The following TNKS variants were observed in gnomAD, a reference collection of about 807,000 sequenced individuals.
TNKS encodes the protein poly [ADP-ribose] polymerase tankyrase-1.
Under a neutral mutation model 135.8 loss-of-function variants are expected in TNKS, and 72 were observed. The ratio of observed to expected loss-of-function variants is 0.53; its 90% CI spans 0.44 to 0.64. The LOEUF is 0.64. Ranked by LOEUF, TNKS falls within the 30% of genes least tolerant of loss-of-function variation. The probability of loss-of-function intolerance (pLI) is 0.00; values close to 1 mark genes in which losing one functional copy is unlikely to be tolerated. For synonymous variants in TNKS, 849 were observed against 649.3 expected, an observed-to-expected ratio of 1.31 and a Z score of -4.68; for missense variants, 1,769 against 1,674.0, an observed-to-expected ratio of 1.06 and a Z score of -0.99.
In TNKS at chr8:9,586,142, T is replaced by C. The variant is rs375187379; in HGVS notation, c.898+5759T>C. Among the ~76,000 whole-genome samples, 73 of 152,322 alleles carry C rather than the reference T, an allele frequency of 4.8e-4. 2 individuals carry two copies. In the South Asian group the frequency reaches 0.01, roughly 22 times the overall value. Reference sequence around the variant, plus strand: ...CGTGAAATAACATGATTAGAAATAGTTTTCTTCTTGTATTACATTATATTG... The same window carrying C: ...CGTGAAATAACATGATTAGAAATAGCTTTCTTCTTGTATTACATTATATTG... On this transcript the variant is annotated intron_variant, in intron 2 of 26. Transcript: ENST00000310430.
At chr8:9,607,183 T>A (rs1799258809) in intron 2 of TNKS, among the ~76,000 whole-genome samples, 1 of 152,234 alleles carries the variant, frequency 6.6e-6, no homozygotes, top group Admixed American at 6.5e-5. Context: ...CATGTTAGCA[T>A]GAGTAACATT....
intron 2 of TNKS, among the ~76,000 whole-genome samples, chr8:9,599,827 T>A (rs4493905): frequency 0.28 from 42,882 of 151,830 alleles, 6,324 homozygotes; most frequent in East Asian, 0.37. Flanking sequence ...TATTTATAAG[T>A]AAACTTGACA....
At chr8:9,745,840 T>A (rs1392182553) in intron 17 of TNKS, among the ~76,000 whole-genome samples, 1 of 152,226 alleles carries the variant, frequency 6.6e-6, no homozygotes, top group Non-Finnish European at 1.5e-5. Flanking sequence ...CTACTATTTC[T>A]AAAATTAGGA....
intron 2 of TNKS, among the ~76,000 whole-genome samples, chr8:9,610,710 A>G (rs1467951990): frequency 2.7e-4 from 41 of 152,232 alleles, no homozygotes; most frequent in Non-Finnish European, 1.5e-5. Context: ...ATAATTTTAA[A>G]GTAAAAACTT....
At chr8:9,727,672 A>G (rs1805231202) in intron 13 of TNKS, among the ~76,000 whole-genome samples, 1 of 152,184 alleles carries the variant, frequency 6.6e-6, no homozygotes, top group Non-Finnish European at 1.5e-5. Context: ...ACCTCTTCTT[A>G]AGCAAACTTT....
intron 17 of TNKS, among the ~76,000 whole-genome samples, chr8:9,740,015 C>G (rs139938538): frequency 0.024 from 2,578 of 105,378 alleles, 84 homozygotes; most frequent in African/African-American, 0.08. Context: ...TGTAACTAAC[C>G]TGCACAATGT....
At chr8:9,706,764 T>A (rs776495427) in intron 7 of TNKS, 47 bp from the exon 8 acceptor site, 10 of 1,524,424 alleles carry the variant, frequency 6.6e-6, no homozygotes, top group Non-Finnish European at 8.8e-6. Flanking sequence ...TTTTATTTGA[T>A]CCAGCAAAAT....
chr8:9,576,685 C>G, intron 1 of TNKS, among the ~76,000 whole-genome samples: 1 of 152,054 alleles, frequency 6.6e-6, no homozygotes, highest in East Asian at 1.9e-4. Flanking sequence ...CACCAGGCCC[C>G]TCCTTCAACA....
At chr8:9,745,554 G>A (rs1175194641) in intron 17 of TNKS, among the ~76,000 whole-genome samples, 3 of 152,036 alleles carry the variant, frequency 2.0e-5, no homozygotes, top group East Asian at 1.9e-4. Flanking sequence ...ACAGGTGTGT[G>A]GCGCCACACC....
intron 2 of TNKS, among the ~76,000 whole-genome samples, chr8:9,612,501 C>G (rs539716829): frequency 6.6e-6 from 1 of 152,140 alleles, no homozygotes; most frequent in South Asian, 2.1e-4. Flanking sequence ...CCAAACCCAG[C>G]CTATCTCTTG....
At chr8:9,772,263 G>T (rs939793354) in intron 26 of TNKS, 1 of 406,442 alleles carries the variant, frequency 2.5e-6, no homozygotes, top group Non-Finnish European at 4.9e-6. Flanking sequence ...AAAGGGGGCT[G>T]GGGGGAGGAG....
At chr8:9,582,273 C>G (rs1188523071) in intron 2 of TNKS, among the ~76,000 whole-genome samples, 1 of 150,962 alleles carries the variant, frequency 6.6e-6, no homozygotes, top group Non-Finnish European at 1.5e-5. Flanking sequence ...AGGCAGAGTT[C>G]TGCTTTGGGA....
At chr8:9,769,087 A>AG in intron 25 of TNKS, among the ~76,000 whole-genome samples, 1 of 152,210 alleles carries the variant, frequency 6.6e-6, no homozygotes, top group Non-Finnish European at 1.5e-5. Flanking sequence ...ATTTTCTTTA[A>AG]GGGATATATA....
chr8:9,629,325 A>G (rs1467527384), intron 3 of TNKS, among the ~76,000 whole-genome samples: 1 of 152,256 alleles, frequency 6.6e-6, no homozygotes, highest in African/African-American at 2.4e-5. Context: ...CTAATAGCTG[A>G]TAGCCCTCTG....
chr8:9,581,418 C>T (rs6601338), intron 2 of TNKS, among the ~76,000 whole-genome samples: 61,763 of 151,976 alleles, frequency 0.41, 12,934 homozygotes, highest in East Asian at 0.6. Context: ...CCAGTTTCAA[C>T]TGACTCTCCC....
intron 3 of TNKS, among the ~76,000 whole-genome samples, chr8:9,624,761 G>C (rs1205982977): frequency 1.3e-5 from 2 of 152,022 alleles, no homozygotes; most frequent in African/African-American, 4.8e-5. Context: ...TGTCCTCAGG[G>C]GTACTGGTTC....
rs1808460869 is a variant in TNKS at position 9,781,653 on chromosome 8, T to C, written c.*4917T>C. ...CTTTGATACCTACAAACTAAAAAGG[T>C]ACTTTTATCAAGGTTTCTCAAAACA... On this transcript the variant is annotated 3_prime_UTR_variant, in exon 27 of 27. Transcript: ENST00000310430. 6.6e-6 allele frequency: 1 copy of C among 152,648 alleles called. No individual in the cohort carries two copies. The highest frequency in any genetic ancestry group is 1.5e-5 in the Non-Finnish European group (1 of 68,042). The allele number at this position is 152,648 out of a possible 1,614,324, so 9.5% of individuals were successfully genotyped here. A position where few individuals can be genotyped will look rare whatever the true frequency, so the allele number is the denominator to read the frequency against.
In TNKS at chr8:9,761,406, A is replaced by C. The variant is rs1807141148; in HGVS notation, c.3154-110A>C. 3 of 1,183,650 alleles carry C rather than the reference A, an allele frequency of 2.5e-6. No homozygotes were observed. The East Asian group carries it at 7.5e-5, about 30-fold the overall frequency. The allele number at this position is 1,183,650 out of a possible 1,614,324, so 73.3% of individuals were successfully genotyped here. A position where few individuals can be genotyped will look rare whatever the true frequency, so the allele number is the denominator to read the frequency against. ...AGCTCATGTTTATAAAGGGAACAAA[A>C]GAATTTTCTTAATTTGAATGGTACT... On this transcript the variant is annotated intron_variant, in intron 20 of 26. Transcript: ENST00000310430.
At chr8:9,764,658 C>T (rs1807328392) in intron 22 of TNKS, 58 bp from the exon 23 acceptor site, 3 of 1,346,862 alleles carry the variant, frequency 2.2e-6, no homozygotes, top group East Asian at 5.0e-5. Flanking sequence ...TTAGACTCAT[C>T]ATTGTCTAGA....
Sources: allele counts gnomAD v4.1 joint callset (sites outside exome capture counted in the v4.1 genomes callset), GRCh38; gene constraint gnomAD v4.1.1; transcripts MANE v1.5; gene names NCBI Gene and HGNC (gene_info 2026-07-23, HGNC 2026-07-21).